Variants in CRYL1 observed in about 807,000 individuals in gnomAD.
CRYL1 encodes the protein crystallin lambda 1, also known as lambda-crystallin homolog.
A neutral mutation model predicts 36.6 loss-of-function variants in CRYL1; 29 were observed. The observed-to-expected ratio is 0.79, with a 90% CI of 0.59 to 1.08. The LOEUF is 1.08. Among genes scored for constraint, CRYL1 ranks in the 50% least tolerant of loss-of-function variants. CRYL1 has a pLI of 0.00. For synonymous variants in CRYL1, 152 were observed against 151.5 expected, an observed-to-expected ratio of 1.00 and a Z score of -0.02; for missense variants, 411 against 407.9, an observed-to-expected ratio of 1.01 and a Z score of -0.06.
At chr13:20,431,984 C>A (rs2032070814) in intron 5 of CRYL1, 118 bp downstream of exon 5, 2 of 1,569,278 alleles carry the variant, frequency 1.3e-6, no homozygotes, top group South Asian at 1.2e-5. Flanking sequence ...CAGCCTCTGA[C>A]TTTCCCAGCT....
At chr13:20,508,770 AC>A (rs1209373888) in intron 2 of CRYL1, among the ~76,000 whole-genome samples, 14 of 144,090 alleles carry the variant, frequency 9.7e-5, no homozygotes, top group African/African-American at 3.6e-4. Flanking sequence ...AATGGCATGA[AC>A]CTAGGAGGTG....
At chr13:20,497,453 A>G (rs55826705) in intron 2 of CRYL1, among the ~76,000 whole-genome samples, 63 of 2,384 alleles carry the variant, frequency 0.026, 4 homozygotes, top group Middle Eastern at 0.25. Flanking sequence ...TACACACACC[A>G]CATATACACA....
chr13:20,412,429 T>G (rs2031548615), intron 6 of CRYL1, among the ~76,000 whole-genome samples: 1 of 152,186 alleles, frequency 6.6e-6, no homozygotes, highest in Admixed American at 6.5e-5. Flanking sequence ...CTATAGTAAT[T>G]GTAGAAATTT....
intron 3 of CRYL1, among the ~76,000 whole-genome samples, chr13:20,467,769 C>A (rs1227261953): frequency 6.6e-6 from 1 of 152,120 alleles, no homozygotes; most frequent in African/African-American, 2.4e-5. Flanking sequence ...TGCAGTGAGC[C>A]GAGATTGGGC....
chr13:20,494,404 C>T (rs544117617), intron 2 of CRYL1, among the ~76,000 whole-genome samples: 1 of 152,336 alleles, frequency 6.6e-6, no homozygotes, highest in South Asian at 2.1e-4. Context: ...CACCGCCAAT[C>T]CTCTTTGTCA....
intron 3 of CRYL1, among the ~76,000 whole-genome samples, chr13:20,466,711 T>TGTGTGTGTGTGTGTGTGTGTGTG (rs2032942454): frequency 1.3e-5 from 2 of 151,456 alleles, no homozygotes; most frequent in African/African-American, 4.9e-5. Flanking sequence ...TGTGTGTGTG[T>TGTGTGTGTGTGTGTGTGTGTGTG]AGTTGAAGTT....
At chr13:20,408,911 A>C (rs2137362153) in intron 6 of CRYL1, among the ~76,000 whole-genome samples, 1 of 152,348 alleles carries the variant, frequency 6.6e-6, no homozygotes, top group Non-Finnish European at 1.5e-5. Context: ...TATCATGAAA[A>C]TGGCCACACT....
intron 5 of CRYL1, chr13:20,426,812 T>G: frequency 1.0e-6 from 1 of 985,458 alleles, no homozygotes; most frequent in Non-Finnish European, 1.2e-6. Context: ...TTCTGGAATC[T>G]CAGGGCCCCA....
At chr13:20,426,847 C>T (rs1406372986) in intron 5 of CRYL1, 1 of 985,418 alleles carries the variant, frequency 1.0e-6, no homozygotes. Context: ...ACCACACCCA[C>T]CCTGACAAAT....
intron 3 of CRYL1, among the ~76,000 whole-genome samples, chr13:20,457,090 T>A (rs1404058966): frequency 2.6e-5 from 4 of 152,070 alleles, no homozygotes; most frequent in Non-Finnish European, 5.9e-5. Context: ...CTTACCCACC[T>A]CAGCCCAGCC....
At chr13:20,472,333 C>T (rs1449641963) in intron 3 of CRYL1, among the ~76,000 whole-genome samples, 1 of 152,108 alleles carries the variant, frequency 6.6e-6, no homozygotes, top group Non-Finnish European at 1.5e-5. Flanking sequence ...AAAATATGTA[C>T]ATGTTCAGCA....
chr13:20,405,097 C>G (rs2031330952), intron 6 of CRYL1, among the ~76,000 whole-genome samples: 1 of 152,144 alleles, frequency 6.6e-6, no homozygotes, highest in South Asian at 2.1e-4. Flanking sequence ...TGGTGAAACC[C>G]CGTCTCTACT....
intron 3 of CRYL1, among the ~76,000 whole-genome samples, chr13:20,459,096 CG>C (rs1211012040): frequency 6.6e-6 from 1 of 151,902 alleles, no homozygotes; most frequent in Non-Finnish European, 1.5e-5. Flanking sequence ...ATTAGCTGGG[CG>C]TGGTGGCGGG....
chr13:20,427,402 C>T (rs902403588), intron 5 of CRYL1: 5 of 724,640 alleles, frequency 6.9e-6, no homozygotes, highest in South Asian at 6.2e-5. Flanking sequence ...TTCTACCCCA[C>T]GAAGGTCTAA....
At chr13:20,490,802 T>A (rs960194462) in intron 2 of CRYL1, among the ~76,000 whole-genome samples, 2 of 152,216 alleles carry the variant, frequency 1.3e-5, no homozygotes, top group Non-Finnish European at 2.9e-5. Context: ...CGGGCCACCA[T>A]GCTCAGAAGG....
chr13:20,424,823 G>A lies in CRYL1; in HGVS notation c.633+7279C>T, dbSNP rs114804140. Among the ~76,000 whole-genome samples, 481 of 152,250 alleles carry A rather than the reference G, an allele frequency of 3.2e-3. 1 individual carries two copies. The highest frequency in any genetic ancestry group is 0.01 in the African/African-American group (423 of 41,554). ...AAGAAAAGGCAGCGCTGAGATACACGGAGCTCTGGAAGCCCCATCAGCGAT... is the reference window on the plus strand; with the variant it reads ...AAGAAAAGGCAGCGCTGAGATACACAGAGCTCTGGAAGCCCCATCAGCGAT... On this transcript the variant is annotated intron_variant, in intron 5 of 7. Transcript: ENST00000298248.
intron 3 of CRYL1, chr13:20,473,144 T>C (rs1451596502): frequency 6.6e-6 from 1 of 152,244 alleles, no homozygotes; most frequent in African/African-American, 2.4e-5. Flanking sequence ...ATTCTTGTTT[T>C]CCCACTTTTG....
chr13:20,437,407 A>C (rs1188742793), intron 4 of CRYL1, among the ~76,000 whole-genome samples: 1 of 150,468 alleles, frequency 6.6e-6, no homozygotes, highest in East Asian at 2.0e-4. Flanking sequence ...TCCTGGGTTC[A>C]CACCATTCTC....
rs570100804 is a variant in CRYL1 at position 20,493,955 on chromosome 13, G to T, written c.150-4459C>A. Among the ~76,000 whole-genome samples the T allele has an allele frequency of 2.0e-5, 3 of 152,266 alleles. No individual in the cohort carries two copies. The South Asian group carries it at 6.2e-4, about 32-fold the overall frequency. ...GGTGTCCTGTATCTCTTACTCCCTC[G>T]CCTGGTATCACAATCAACCCTCATC... On this transcript the variant is annotated intron_variant, in intron 2 of 7. Coordinates refer to ENST00000298248, the MANE Select transcript of CRYL1 (RefSeq NM_015974.3).
Sources: gnomAD v4.1 joint callset for allele counts (sites outside exome capture counted in the v4.1 genomes callset) on GRCh38, gnomAD v4.1.1 for gene constraint, MANE v1.5 for transcripts, NCBI Gene and HGNC (gene_info 2026-07-23, HGNC 2026-07-21) for gene names.